Variants in SKAP1 observed in about 807,000 individuals in gnomAD.
The protein encoded by SKAP1 is src kinase associated phosphoprotein 1.
In SKAP1, 44 loss-of-function variants were observed where a neutral mutation model predicts 58.5. The observed-to-expected ratio is 0.75, with a 90% CI of 0.59 to 0.97. The LOEUF is 0.97. SKAP1 is among the 50% of genes least tolerant of loss of function. The pLI, the probability that SKAP1 is intolerant of heterozygous loss-of-function variation, is 0.00. For missense variants in SKAP1, 390 were observed against 435.2 expected, an observed-to-expected ratio of 0.90 and a Z score of 0.92; for synonymous variants, 127 against 149.7, an observed-to-expected ratio of 0.85 and a Z score of 1.11.
At chr17:48,262,564 C>G (rs1567843263) in intron 4 of SKAP1, among the ~76,000 whole-genome samples, 1 of 152,044 alleles carries the variant, frequency 6.6e-6, no homozygotes, top group Non-Finnish European at 1.5e-5. Flanking sequence ...AAAACTTGAA[C>G]AATTAAAATA....
At chr17:48,407,453 T>C (rs1476999324) in intron 1 of SKAP1, among the ~76,000 whole-genome samples, 1 of 152,234 alleles carries the variant, frequency 6.6e-6, no homozygotes, top group African/African-American at 2.4e-5. Flanking sequence ...CACTCCCCTT[T>C]GATTTAATCA....
In SKAP1 at chr17:48,203,633, C is replaced by T. The variant is rs929262043; in HGVS notation, c.281-14133G>A. ...ACCTTGGAAGCCTGAGATGGAAACC[C>T]ATTTCCTTCTAACATTTTTCTCTGT... is the stretch of plus-strand genomic sequence containing the variant. On this transcript the variant is annotated intron_variant, in intron 4 of 12. Coordinates refer to ENST00000336915, the MANE Select transcript of SKAP1 (RefSeq NM_003726.4). The T allele has an allele frequency of 6.6e-5, 10 of 152,068 alleles. 1 individual carries two copies. Among genetic ancestry groups the T allele is most frequent in the Non-Finnish European group, 2.9e-5 (2 of 68,014 alleles). 9.4% of individuals were successfully genotyped at this position (152,068 alleles called of 1,614,324 possible). A position where few individuals can be genotyped will look rare whatever the true frequency, so the allele number is the denominator to read the frequency against.
intron 4 of SKAP1, among the ~76,000 whole-genome samples, chr17:48,245,910 G>A (rs1375359778): frequency 6.6e-6 from 1 of 152,150 alleles, no homozygotes; most frequent in African/African-American, 2.4e-5. Flanking sequence ...AGAAGGCAGA[G>A]GTTGCAGTGA....
rs567011931 is a variant in SKAP1 at position 48,315,743 on chromosome 17, G to A, written c.280+30162C>T. Reference sequence around the variant, plus strand: ...TTTGAGCACTGATATGGTGCCACAAGTGGAAACTTCTACTCATAAGTACTT... The same window carrying A: ...TTTGAGCACTGATATGGTGCCACAAATGGAAACTTCTACTCATAAGTACTT... On this transcript the variant is annotated intron_variant, in intron 4 of 12. Transcript: ENST00000336915. Among the ~76,000 whole-genome samples the A allele has an allele frequency of 2.0e-3, 299 of 152,292 alleles. 2 individuals are homozygous for A. Among genetic ancestry groups the A allele is most frequent in the African/African-American group, 7.0e-3 (292 of 41,558 alleles).
At chr17:48,205,622 A>G (rs969100413) in intron 4 of SKAP1, among the ~76,000 whole-genome samples, 2 of 152,210 alleles carry the variant, frequency 1.3e-5, no homozygotes, top group Admixed American at 1.3e-4. Flanking sequence ...ATATTTCAGA[A>G]CAGAATTCTT....
chr17:48,401,799 TGTGCTTCAAAGAAGGCCAACAA>T (rs2067502055), intron 1 of SKAP1, among the ~76,000 whole-genome samples: 1 of 151,586 alleles, frequency 6.6e-6, no homozygotes, highest in Non-Finnish European at 1.5e-5. Context: ...TAAAAGCTAT[TGTGCTTCAAAGAAGGCCAACAA>T]GAAAGCAAAA....
intron 4 of SKAP1, among the ~76,000 whole-genome samples, chr17:48,339,845 A>G (rs1251570282): frequency 6.6e-6 from 1 of 152,170 alleles, no homozygotes; most frequent in African/African-American, 2.4e-5. Flanking sequence ...AATAATGGGG[A>G]TCTCAAACTG....
At chr17:48,406,286 AC>A (rs1205414359) in intron 1 of SKAP1, among the ~76,000 whole-genome samples, 1 of 148,060 alleles carries the variant, frequency 6.8e-6, no homozygotes, top group African/African-American at 2.5e-5. Context: ...AAACAAAAAA[AC>A]AACAACAAAA....
chr17:48,412,555 G>A (rs768426363), intron 1 of SKAP1, among the ~76,000 whole-genome samples: 1 of 152,126 alleles, frequency 6.6e-6, no homozygotes, highest in East Asian at 1.9e-4. Context: ...GAGATCAAAT[G>A]GGGAATAAAG....
intron 4 of SKAP1, among the ~76,000 whole-genome samples, chr17:48,268,789 G>T (rs961349223): frequency 2.0e-5 from 3 of 152,160 alleles, no homozygotes; most frequent in Middle Eastern, 6.8e-3. Flanking sequence ...ACTGTGCCCG[G>T]CCTCAAGTTA....
At chr17:48,259,888 G>A (rs1391434816) in intron 4 of SKAP1, among the ~76,000 whole-genome samples, 1 of 152,168 alleles carries the variant, frequency 6.6e-6, no homozygotes, top group African/African-American at 2.4e-5. Flanking sequence ...ACTGCAAGTA[G>A]GTGGCAGTGG....
chr17:48,261,833 T>A (rs187253247), intron 4 of SKAP1, among the ~76,000 whole-genome samples: 2 of 151,658 alleles, frequency 1.3e-5, no homozygotes, highest in Non-Finnish European at 2.9e-5. Context: ...GAAAAAACCA[T>A]ACACACAATG....
In SKAP1 at chr17:48,344,995, C is replaced by T. The variant is rs561530612; in HGVS notation, c.280+910G>A. On this transcript the variant is annotated intron_variant, in intron 4 of 12. Coordinates refer to ENST00000336915, the MANE Select transcript of SKAP1 (RefSeq NM_003726.4). Reference sequence around the variant, plus strand: ...ACCAACTTTATTCCCAATCCCTAAGCGAATAATGTGTTTCCAATTTGATGT... The same window carrying T: ...ACCAACTTTATTCCCAATCCCTAAGTGAATAATGTGTTTCCAATTTGATGT... Among the ~76,000 whole-genome samples the T allele has an allele frequency of 1.1e-4, 16 of 152,310 alleles. 1 individual carries two copies. Among genetic ancestry groups the T allele is most frequent in the Admixed American group, 3.3e-4 (5 of 15,300 alleles).
At chr17:48,177,000 T>C (rs980013021) in intron 9 of SKAP1, among the ~76,000 whole-genome samples, 1 of 152,184 alleles carries the variant, frequency 6.6e-6, no homozygotes, top group Non-Finnish European at 1.5e-5. Context: ...AAAGCACATT[T>C]ACCTATTATA....
chr17:48,401,038 GCT>G (rs901319905), intron 1 of SKAP1, among the ~76,000 whole-genome samples: 8 of 152,132 alleles, frequency 5.3e-5, no homozygotes, highest in Non-Finnish European at 1.2e-4. Flanking sequence ...GGGCGTGTTG[GCT>G]CACACTCGTA....
chr17:48,369,175 A>AAATAAATC (rs2067051826), intron 2 of SKAP1, among the ~76,000 whole-genome samples: 1 of 150,806 alleles, frequency 6.6e-6, no homozygotes, highest in Admixed American at 6.6e-5. Context: ...ATAAATAAAT[A>AAATAAATC]AATATAAAAT....
At chr17:48,165,666 T>C (rs757877680) in intron 10 of SKAP1, among the ~76,000 whole-genome samples, 1 of 152,068 alleles carries the variant, frequency 6.6e-6, no homozygotes, top group South Asian at 2.1e-4. Flanking sequence ...TCCTAAAGTG[T>C]TGGGATTACA....
intron 3 of SKAP1, among the ~76,000 whole-genome samples, chr17:48,356,454 C>A (rs551628559): frequency 6.6e-6 from 1 of 152,214 alleles, no homozygotes; most frequent in South Asian, 2.1e-4. Flanking sequence ...TACAGGAAGG[C>A]ATATAATGAA....
chr17:48,284,436 T>A (rs756731245), intron 4 of SKAP1, among the ~76,000 whole-genome samples: 3 of 152,148 alleles, frequency 2.0e-5, no homozygotes, highest in African/African-American at 7.2e-5. Context: ...TTCTTTTCAA[T>A]GTACTCAGAG....
Sources: allele counts gnomAD v4.1 joint callset (sites outside exome capture counted in the v4.1 genomes callset), GRCh38; gene constraint gnomAD v4.1.1; transcripts MANE v1.5; gene names NCBI Gene and HGNC (gene_info 2026-07-23, HGNC 2026-07-21).